KMT2C: variants seen among roughly 807,000 people sequenced by gnomAD.
KMT2C encodes the protein histone-lysine N-methyltransferase 2C.
KMT2C carries 88 observed loss-of-function variants against 507.9 expected under a neutral mutation model. The observed-to-expected ratio is 0.17, with a 90% CI of 0.15 to 0.21. The LOEUF (loss-of-function observed/expected upper bound fraction) is 0.21. KMT2C is among the 10% of genes least tolerant of loss of function. The pLI is 1.00. For synonymous variants in KMT2C, 2,049 were observed against 2,080.8 expected, an observed-to-expected ratio of 0.98 and a Z score of 0.42; for missense variants, 4,954 against 5,957.8, an observed-to-expected ratio of 0.83 and a Z score of 5.55.
At chr7:152,369,691 T>TTTGCAAACATGTGCTTCCCC (rs2097277818) in intron 1 of KMT2C, among the ~76,000 whole-genome samples, 1 of 152,204 alleles carries the variant, frequency 6.6e-6, no homozygotes, top group Non-Finnish European at 1.5e-5. Context: ...TTGGCCTCTC[T>TTTGCAAACATGTGCTTCCCC]TTGCAAACAT....
chr7:152,297,055 C>CAGAGAGAGAGAGAGAG (rs769381866), intron 6 of KMT2C, among the ~76,000 whole-genome samples: 26 of 84,406 alleles, frequency 3.1e-4, no homozygotes, highest in East Asian at 6.9e-4. Flanking sequence ...GAAAGAAAGA[C>CAGAGAGAGAGAGAGAG]AGAGAGAGAG....
At chr7:152,362,361 G>A (rs548412713) in intron 1 of KMT2C, among the ~76,000 whole-genome samples, 5 of 152,038 alleles carry the variant, frequency 3.3e-5, no homozygotes, top group African/African-American at 9.7e-5. Flanking sequence ...TCAGCGGTAG[G>A]GGGTAAGAAG....
intron 1 of KMT2C, among the ~76,000 whole-genome samples, chr7:152,385,611 CAAAAAAAAAAAAAAAAAAAAAAAAA>C (rs1160527130): frequency 5.1e-5 from 1 of 19,440 alleles, no homozygotes. Context: ...GACTCCGTCT[CAAAAAAAAAAAAAAAAAAAAAAAAA>C]AAAAAAAAAA....
intron 1 of KMT2C, among the ~76,000 whole-genome samples, chr7:152,434,005 A>T (rs887687443): frequency 2.0e-5 from 3 of 152,256 alleles, no homozygotes; most frequent in African/African-American, 7.2e-5. Context: ...AGAGATGAAG[A>T]AATGCTTTGC....
chr7:152,173,046 C>T (rs946208549), intron 39 of KMT2C, among the ~76,000 whole-genome samples: 35 of 152,036 alleles, frequency 2.3e-4, no homozygotes, highest in African/African-American at 7.2e-4. Context: ...CAAAAATATT[C>T]AAGACATAAA....
intron 37 of KMT2C, among the ~76,000 whole-genome samples, 169 bp downstream of exon 37, chr7:152,179,665 G>A (rs866158588): frequency 0.01 from 1,462 of 143,182 alleles, 71 homozygotes; most frequent in African/African-American, 0.036. Context: ...AGGTTGGGGG[G>A]GGGGGGGGGT....
intron 23 of KMT2C, among the ~76,000 whole-genome samples, chr7:152,213,362 A>C (rs188917430): frequency 6.6e-6 from 1 of 152,238 alleles, no homozygotes; most frequent in Non-Finnish European, 1.5e-5. Context: ...TGGCATAAAA[A>C]CAGACACATG....
chr7:152,416,857 C>A (rs1470420981), intron 1 of KMT2C, among the ~76,000 whole-genome samples: 2 of 151,172 alleles, frequency 1.3e-5, no homozygotes, highest in Non-Finnish European at 2.9e-5. Context: ...TCAAGACTAG[C>A]CTGGCCAACA....
At chr7:152,187,084 T>C (rs1423196237) in intron 33 of KMT2C, among the ~76,000 whole-genome samples, 178 bp downstream of exon 33, 1 of 152,100 alleles carries the variant, frequency 6.6e-6, no homozygotes, top group Non-Finnish European at 1.5e-5. Flanking sequence ...TGAGGATGGA[T>C]GCAGGGTCTA....
At chr7:152,394,450 T>G (rs571059020) in intron 1 of KMT2C, among the ~76,000 whole-genome samples, 3 of 152,236 alleles carry the variant, frequency 2.0e-5, no homozygotes, top group Non-Finnish European at 1.5e-5. Flanking sequence ...CTGGGGCTTT[T>G]GCACTCACTG....
intron 1 of KMT2C, among the ~76,000 whole-genome samples, chr7:152,380,256 A>G (rs1032698848): frequency 1.7e-5 from 2 of 119,526 alleles, no homozygotes; most frequent in African/African-American, 3.3e-5. Flanking sequence ...AAAAAACAAA[A>G]CAAAACAAAA....
intron 6 of KMT2C, among the ~76,000 whole-genome samples, chr7:152,299,479 C>A (rs1368633733): frequency 2.0e-5 from 3 of 151,796 alleles, no homozygotes; most frequent in South Asian, 2.1e-4. Context: ...CATAGTGAGA[C>A]CCCATATATA....
At chr7:152,390,583 C>T (rs376975380) in intron 1 of KMT2C, among the ~76,000 whole-genome samples, 21 of 152,338 alleles carry the variant, frequency 1.4e-4, no homozygotes, top group African/African-American at 4.1e-4. Context: ...ATTCTCATTA[C>T]AACCCATCAC....
intron 6 of KMT2C, among the ~76,000 whole-genome samples, chr7:152,289,627 G>A (rs952263682): frequency 1.3e-5 from 2 of 152,090 alleles, no homozygotes; most frequent in East Asian, 3.9e-4. Flanking sequence ...TCACTTCAAG[G>A]AAAACAACTT....
At chr7:152,364,629 A>AAAAAAAAAAAAAAAAAAAAG (rs1554679999) in intron 1 of KMT2C, among the ~76,000 whole-genome samples, 3 of 147,654 alleles carry the variant, frequency 2.0e-5, no homozygotes, top group African/African-American at 7.8e-5. Flanking sequence ...AAGAAAAGAA[A>AAAAAAAAAAAAAAAAAAAAG]AAAAGAAAAA....
In KMT2C at chr7:152,194,582, G is replaced by A; in HGVS notation, c.4379-14C>T. 6.2e-7 allele frequency: 1 copy of A among 1,607,708 alleles called. No homozygotes were observed. Among genetic ancestry groups the A allele is most frequent in the Non-Finnish European group, 8.5e-7 (1 of 1,175,112 alleles). On this transcript the variant is annotated splice_polypyrimidine_tract_variant and intron_variant, in intron 28 of 58. Transcript: ENST00000262189. The stretch of plus-strand genomic sequence containing the variant: ...CAGGACCAATATCTACAAGAGTAAG[G>A]AAAATAAATTTAAAGGTACATTCAG...
chr7:152,325,753 C>T (rs996213861), intron 3 of KMT2C, among the ~76,000 whole-genome samples: 1 of 152,062 alleles, frequency 6.6e-6, no homozygotes, highest in Non-Finnish European at 1.5e-5. Context: ...GCCAATCAAC[C>T]CTTTTCTATA....
chr7:152,315,033 C>G, intron 4 of KMT2C, 105 bp downstream of exon 4: 1 of 941,170 alleles, frequency 1.1e-6, no homozygotes, highest in Non-Finnish European at 1.6e-6. Flanking sequence ...ACAGGAGAAA[C>G]TGTTCAACAA....
chr7:152,176,906 A>C lies in KMT2C; in HGVS notation c.8547T>G (p.Val2849=). 1 of 1,614,200 alleles carries C rather than the reference A, an allele frequency of 6.2e-7. No homozygotes were observed. The change falls in exon 38 of 59, where the codon GTT becomes GTG. Residue 2849 remains valine, a synonymous_variant. Transcript: ENST00000262189. ...TEKNDENKDN[V]DTPCSQASAH... ...CAGAAGCCTGTGAGCAAGGAGTGTCAACATTATCTTTATTCTCATCATTTT... is the reference window on the plus strand; with the variant it reads ...CAGAAGCCTGTGAGCAAGGAGTGTCCACATTATCTTTATTCTCATCATTTT...
Sources: gnomAD v4.1 joint callset for allele counts (sites outside exome capture counted in the v4.1 genomes callset) on GRCh38, gnomAD v4.1.1 for gene constraint, MANE v1.5 for transcripts, NCBI Gene and HGNC (gene_info 2026-07-23, HGNC 2026-07-21) for gene names.